Variants in USP54 observed in about 807,000 individuals in gnomAD.
The protein encoded by USP54 is ubiquitin specific peptidase 54.
Under a neutral mutation model 170.5 loss-of-function variants are expected in USP54, and 87 were observed. That is an observed-to-expected ratio of 0.51 (90% CI 0.43 to 0.61). The LOEUF (loss-of-function observed/expected upper bound fraction) is 0.61, where lower values mean the gene tolerates loss of function less well. USP54 is among the 20% of genes least tolerant of loss of function. The probability of loss-of-function intolerance (pLI) is 0.00; values close to 1 mark genes in which losing one functional copy is unlikely to be tolerated. For synonymous variants in USP54, 655 were observed against 742.8 expected, an observed-to-expected ratio of 0.88 and a Z score of 1.92; for missense variants, 1,786 against 2,047.8, an observed-to-expected ratio of 0.87 and a Z score of 2.47.
Position 73,505,007 on chromosome 10 carries a change from A to G in USP54, c.4171-17T>C, listed in dbSNP as rs1381930149. 1 of 1,614,052 alleles carries G rather than the reference A, an allele frequency of 6.2e-7. No individual in the cohort carries two copies. Among genetic ancestry groups the G allele is most frequent in the South Asian group, 1.1e-5 (1 of 91,078 alleles). ...AGGTGTAGCCTTCAAACACACAGAC[A>G]CATACAGGCAGACACATAATACCAG... On this transcript the variant is annotated splice_polypyrimidine_tract_variant and intron_variant, in intron 21 of 23. Coordinates refer to ENST00000687698, the MANE Select transcript of USP54 (RefSeq NM_001391956.1).
intron 20 of USP54, among the ~76,000 whole-genome samples, chr10:73,510,928 T>A (rs2060098914): frequency 6.6e-6 from 1 of 152,096 alleles, no homozygotes; most frequent in Non-Finnish European, 1.5e-5. Flanking sequence ...TCAAAATTAA[T>A]CTGGTTACAA....
At chr10:73,580,441 G>T (rs373254763) in intron 1 of USP54, among the ~76,000 whole-genome samples, 1 of 151,798 alleles carries the variant, frequency 6.6e-6, no homozygotes, top group East Asian at 1.9e-4. Flanking sequence ...AGAAGAGACC[G>T]CATATACAAT....
intron 4 of USP54, among the ~76,000 whole-genome samples, chr10:73,568,228 A>C (rs922206802): frequency 6.6e-6 from 1 of 152,132 alleles, no homozygotes; most frequent in African/African-American, 2.4e-5. Flanking sequence ...AAGTAGTTTT[A>C]AAGTGGGGAA....
At position 73,541,401 on chromosome 10, in the gene USP54, G is replaced by C. The variant is rs771730921; in HGVS notation, c.799C>G (p.Leu267Val). The C allele has an allele frequency of 6.2e-7, 1 of 1,614,174 alleles. No homozygotes were observed. The highest frequency in any genetic ancestry group is 8.5e-7 in the Non-Finnish European group (1 of 1,180,024). Residue 267 changes from leucine to valine, a missense_variant, in exon 9 of 24, where the codon CTG (leucine) becomes GTG (valine). Physicochemically the swap from Leu to Val is conservative, Grantham distance 32. Around this residue, in one of 3 missense-constraint regions of USP54, gnomAD observed 361 missense variants for 455.0 expected, o/e 0.79. Transcript: ENST00000687698. ...TCACCCAGCTTAAGGCAGGTTCCCAGGCTGTGGATAACATCTTCTGCTAAG... is the reference window on the plus strand; with the variant it reads ...TCACCCAGCTTAAGGCAGGTTCCCACGCTGTGGATAACATCTTCTGCTAAG... ...SDLAEDVIHS[L>V]GTCLKLGDLF...
intron 1 of USP54, among the ~76,000 whole-genome samples, chr10:73,588,226 T>C (rs930269494): frequency 7.2e-5 from 11 of 152,232 alleles, no homozygotes; most frequent in African/African-American, 2.7e-4. Context: ...TTTTTGTTTT[T>C]GTTTTTGTTT....
chr10:73,617,704 T>C (rs917564400), intron 1 of USP54, among the ~76,000 whole-genome samples: 6 of 149,494 alleles, frequency 4.0e-5, no homozygotes, highest in East Asian at 1.9e-4. Context: ...TCCTGGTTCC[T>C]AGCAGAGTCA....
At chr10:73,621,737 A>G (rs2081113605) in intron 1 of USP54, among the ~76,000 whole-genome samples, 1 of 152,196 alleles carries the variant, frequency 6.6e-6, no homozygotes, top group South Asian at 2.1e-4. Context: ...CTGGAAGCTT[A>G]CAAATATATA....
At chr10:73,525,233 G>T (rs1250193945) in intron 16 of USP54, among the ~76,000 whole-genome samples, 1 of 152,140 alleles carries the variant, frequency 6.6e-6, no homozygotes, top group Non-Finnish European at 1.5e-5. Context: ...AATTTCAGGA[G>T]GCAAAGGGCA....
At chr10:73,577,065 G>A (rs563202276) in intron 1 of USP54, among the ~76,000 whole-genome samples, 6 of 152,332 alleles carry the variant, frequency 3.9e-5, no homozygotes, top group African/African-American at 1.2e-4. Flanking sequence ...TAAAATGCCA[G>A]TGAGGCAACA....
In USP54 at chr10:73,523,641, C is replaced by T. The variant is rs377052665; in HGVS notation, c.2304G>A (p.Ala768=). The change falls in exon 17 of 24, where the codon GCG becomes GCA. Residue 768 remains alanine, a synonymous_variant. Transcript: ENST00000687698. The stretch of plus-strand genomic sequence containing the variant: ...GGCTAGGATGAGGGTTAAACCCTTT[C>T]GCTGCCTCTAACTCCTTCTCCCGTT... The part of the protein sequence containing the change: ...RRKREKELEA[A]KGFNPHPSRF... 45 of 1,613,488 alleles carry T rather than the reference C, an allele frequency of 2.8e-5. No individual in the cohort carries two copies. Among genetic ancestry groups the T allele is most frequent in the Non-Finnish European group, 3.6e-5 (42 of 1,179,620 alleles).
intron 23 of USP54, chr10:73,499,974 A>G (rs1054931123): frequency 6.6e-6 from 1 of 152,262 alleles, no homozygotes; most frequent in East Asian, 1.9e-4. Context: ...GTTTACAACA[A>G]CAACTGAGCA....
At chr10:73,523,806 T>C (rs1469036872) in intron 16 of USP54, 56 bp from the exon 17 acceptor site, 2 of 1,505,312 alleles carry the variant, frequency 1.3e-6, no homozygotes, top group Non-Finnish European at 1.8e-6. Flanking sequence ...ACTAAGTACT[T>C]GATGAATTTA....
At chr10:73,555,213 G>A (rs1173079385) in intron 4 of USP54, among the ~76,000 whole-genome samples, 1 of 152,134 alleles carries the variant, frequency 6.6e-6, no homozygotes, top group African/African-American at 2.4e-5. Flanking sequence ...TCTAACTTTG[G>A]GGAAGGCAGA....
rs2062978234 is a variant in USP54 at position 73,526,915 on chromosome 10, T to C, written c.2061-135A>G. 3.7e-6 allele frequency: 4 copies of C among 1,071,610 alleles called. No individual in the cohort carries two copies. The African/African-American group carries it at 4.8e-5, about 13-fold the overall frequency. 66.4% of individuals were successfully genotyped at this position (1,071,610 alleles called of 1,614,324 possible). A position where few individuals can be genotyped will look rare whatever the true frequency, so the allele number is the denominator to read the frequency against. On this transcript the variant is annotated intron_variant, in intron 15 of 23. Transcript: ENST00000687698. ...CTTCTGCTAAACTACTTCTGAAGAA[T>C]TGAAATATCCACTCATTCTCCTATC... is the stretch of plus-strand genomic sequence containing the variant.
chr10:73,535,396 C>T (rs1240617271), intron 11 of USP54, among the ~76,000 whole-genome samples: 1 of 151,728 alleles, frequency 6.6e-6, no homozygotes, highest in South Asian at 2.1e-4. Flanking sequence ...AAGAAAGCAC[C>T]AGGTACCAAG....
Position 73,534,664 on chromosome 10 carries a change from A to G in USP54, c.1251T>C (p.Asp417=). The change falls in exon 12 of 24, where the codon GAT becomes GAC. Residue 417 remains aspartate (D), a synonymous_variant. Coordinates refer to ENST00000687698, the MANE Select transcript of USP54 (RefSeq NM_001391956.1). Reference sequence around the variant, plus strand: ...CATTATAGATGACTGTCCCCTGAGAATCAGAAGAGAAGTGACTGACCACAG... The same window carrying G: ...CATTATAGATGACTGTCCCCTGAGAGTCAGAAGAGAAGTGACTGACCACAG... The part of the protein sequence containing the change: ...HESVVSHFSS[D]SQGTVIYNVE... The G allele has an allele frequency of 1.2e-6, 2 of 1,614,204 alleles. No homozygotes were observed. The highest frequency in any genetic ancestry group is 1.7e-6 in the Non-Finnish European group (2 of 1,180,012).
intron 1 of USP54, among the ~76,000 whole-genome samples, chr10:73,582,249 A>G (rs1199304502): frequency 6.6e-6 from 1 of 152,202 alleles, no homozygotes; most frequent in Non-Finnish European, 1.5e-5. Context: ...GCTACAGGTT[A>G]TTAGCATAAG....
At chr10:73,545,129 C>T (rs2067493124) in intron 5 of USP54, among the ~76,000 whole-genome samples, 2 of 152,190 alleles carry the variant, frequency 1.3e-5, no homozygotes, top group Non-Finnish European at 2.9e-5. Flanking sequence ...CACACTTATG[C>T]TAGGGACTCA....
Position 73,543,259 on chromosome 10 carries a change from T to C in USP54, c.376-128A>G, listed in dbSNP as rs114534813. 3.2e-3 allele frequency: 2,119 copies of C among 667,828 alleles called. 38 individuals carry two copies. The African/African-American group carries it at 0.033, about 10-fold the overall frequency. The allele number at this position is 667,828 out of a possible 1,614,324, so 41.4% of individuals were successfully genotyped here. On this transcript the variant is annotated intron_variant, in intron 5 of 23. Transcript: ENST00000687698. The stretch of plus-strand genomic sequence containing the variant: ...TAGGAATATTTTGATTTTTAAAAAT[T>C]TTTAGTTTAAAAAAATTATAAATTC...
Sources: allele counts gnomAD v4.1 joint callset (sites outside exome capture counted in the v4.1 genomes callset), GRCh38; gene constraint gnomAD v4.1.1; regional missense constraint gnomAD v4.1.1; transcripts MANE v1.5; gene names NCBI Gene and HGNC (gene_info 2026-07-23, HGNC 2026-07-21).